The following GRIK4 variants were observed in gnomAD, a reference collection of about 807,000 sequenced individuals.
GRIK4 encodes the protein glutamate receptor ionotropic, kainate 4.
GRIK4 carries 40 observed loss-of-function variants against 104.9 expected under a neutral mutation model. That is an observed-to-expected ratio of 0.38 (90% confidence interval 0.30 to 0.50). The LOEUF (loss-of-function observed/expected upper bound fraction) is 0.50, where lower values mean the gene tolerates loss of function less well. Ranked by LOEUF, GRIK4 falls within the 20% of genes least tolerant of loss-of-function variation. The pLI is 0.93. For missense variants in GRIK4, 1,047 were observed against 1,308.1 expected, an observed-to-expected ratio of 0.80 and a Z score of 3.08; for synonymous variants, 485 against 524.9, an observed-to-expected ratio of 0.92 and a Z score of 1.04.
chr11:120,931,650 A>C (rs986400309), intron 13 of GRIK4, among the ~76,000 whole-genome samples: 1 of 152,224 alleles, frequency 6.6e-6, no homozygotes, highest in African/African-American at 2.4e-5. Context: ...CTGTTAAATA[A>C]GGATAATAAT....
chr11:120,980,958 G>A (rs907922031), intron 19 of GRIK4, among the ~76,000 whole-genome samples: 2 of 152,180 alleles, frequency 1.3e-5, no homozygotes, highest in African/African-American at 4.8e-5. Context: ...AGAAGGTAGC[G>A]TCGATTTCTG....
chr11:120,620,085 A>G (rs1949166546), intron 1 of GRIK4: 3 of 719,644 alleles, frequency 4.2e-6, no homozygotes, highest in African/African-American at 1.7e-5. Context: ...CCTCTCTAAA[A>G]CTGGCCTCAT....
chr11:120,935,578 A>G (rs1943578782), intron 13 of GRIK4, among the ~76,000 whole-genome samples: 1 of 152,196 alleles, frequency 6.6e-6, no homozygotes, highest in Non-Finnish European at 1.5e-5. Flanking sequence ...TAAATAAGTA[A>G]ATATTGTATT....
At chr11:120,725,026 AT>A (rs1369778878) in intron 3 of GRIK4, among the ~76,000 whole-genome samples, 3 of 152,148 alleles carry the variant, frequency 2.0e-5, no homozygotes, top group African/African-American at 7.2e-5. Flanking sequence ...ATACTATTCT[AT>A]TGCAAATTTT....
At chr11:120,862,721 G>A (rs1954294828) in intron 9 of GRIK4, among the ~76,000 whole-genome samples, 1 of 152,112 alleles carries the variant, frequency 6.6e-6, no homozygotes, top group Non-Finnish European at 1.5e-5. Context: ...TGTGACGGGA[G>A]CAAACCTTTC....
At chr11:120,918,447 T>C (rs770401047) in intron 13 of GRIK4, among the ~76,000 whole-genome samples, 5 of 152,226 alleles carry the variant, frequency 3.3e-5, no homozygotes, top group Admixed American at 6.5e-5. Flanking sequence ...TTTACTTTCA[T>C]AGAGTTCACA....
intron 1 of GRIK4, among the ~76,000 whole-genome samples, chr11:120,538,952 C>T (rs895198845): frequency 1.3e-5 from 2 of 152,226 alleles, no homozygotes; most frequent in Non-Finnish European, 2.9e-5. Context: ...TCTCTTCACT[C>T]TCCAGGTTGG....
intron 1 of GRIK4, among the ~76,000 whole-genome samples, chr11:120,622,899 C>T (rs1335378399): frequency 6.6e-6 from 1 of 152,204 alleles, no homozygotes; most frequent in African/African-American, 2.4e-5. Flanking sequence ...CCCCTGATAA[C>T]CCAGTGTGCT....
Position 120,692,414 on chromosome 11 carries a change from C to T in GRIK4, c.82+32014C>T, listed in dbSNP as rs186304414. 3.7e-3 allele frequency among the ~76,000 whole-genome samples: 567 copies of T among 152,286 alleles called. 15 individuals are homozygous for T. The highest frequency in any genetic ancestry group is 9.0e-4 in the Non-Finnish European group (61 of 68,012). On this transcript the variant is annotated intron_variant, in intron 3 of 20. Coordinates refer to ENST00000527524, the MANE Select transcript of GRIK4 (RefSeq NM_014619.5). ...AGACATGGAGCTTGTGTTCAAGGAGCGAGCAGGCTAGTGGGGGAGGTGGTG... is the reference window on the plus strand; with the variant it reads ...AGACATGGAGCTTGTGTTCAAGGAGTGAGCAGGCTAGTGGGGGAGGTGGTG...
intron 1 of GRIK4, among the ~76,000 whole-genome samples, chr11:120,514,279 C>G (rs1469962540): frequency 6.6e-6 from 1 of 152,154 alleles, no homozygotes; most frequent in Admixed American, 6.5e-5. Context: ...ATTCCAGATG[C>G]CTCTCAGAAC....
At chr11:120,708,139 A>G (rs1010814377) in intron 3 of GRIK4, among the ~76,000 whole-genome samples, 1 of 152,190 alleles carries the variant, frequency 6.6e-6, no homozygotes, top group Non-Finnish European at 1.5e-5. Flanking sequence ...CATATGAGCC[A>G]TGGAGAAGGA....
Position 120,885,628 on chromosome 11 carries a change from G to T in GRIK4, c.1164+10385G>T, listed in dbSNP as rs182720569. ...TCGAACTCCTGACCTCAGGTCACCT[G>T]CCCGCCTCGGCCTCCCAAAGTGCTG... is the stretch of plus-strand genomic sequence containing the variant. On this transcript the variant is annotated intron_variant, in intron 11 of 20. Coordinates refer to ENST00000527524, the MANE Select transcript of GRIK4 (RefSeq NM_014619.5). 1.2e-3 allele frequency among the ~76,000 whole-genome samples: 177 copies of T among 152,210 alleles called. 1 individual carries two copies. The East Asian group carries it at 0.021, about 18-fold the overall frequency.
At chr11:120,651,412 A>G (rs1309026817) in intron 1 of GRIK4, among the ~76,000 whole-genome samples, 1 of 152,190 alleles carries the variant, frequency 6.6e-6, no homozygotes, top group Non-Finnish European at 1.5e-5. Flanking sequence ...GGGAGGGGCC[A>G]TTGTTTAGAG....
intron 16 of GRIK4, among the ~76,000 whole-genome samples, chr11:120,957,389 C>T (rs1944179711): frequency 6.6e-6 from 1 of 152,232 alleles, no homozygotes; most frequent in Admixed American, 6.5e-5. Context: ...CCTTCTGAGG[C>T]TTTGTGTCTC....
chr11:120,637,858 C>T (rs1949418356), intron 1 of GRIK4, among the ~76,000 whole-genome samples: 1 of 151,938 alleles, frequency 6.6e-6, no homozygotes, highest in African/African-American at 2.4e-5. Flanking sequence ...GGCATCTAAG[C>T]CCTCAGCTTA....
chr11:120,650,455 GTGT>G (rs1466882298), intron 1 of GRIK4, among the ~76,000 whole-genome samples: 1 of 152,214 alleles, frequency 6.6e-6, no homozygotes, highest in Non-Finnish European at 1.5e-5. Context: ...CCCTCCTCAT[GTGT>G]TGTTTTCTCC....
chr11:120,579,756 G>A (rs1255119112), intron 1 of GRIK4, among the ~76,000 whole-genome samples: 1 of 151,998 alleles, frequency 6.6e-6, no homozygotes, highest in Admixed American at 6.6e-5. Flanking sequence ...TTTTTATTAA[G>A]GTATGTTTTA....
chr11:120,645,124 G>A, intron 1 of GRIK4, among the ~76,000 whole-genome samples: 1 of 93,940 alleles, frequency 1.1e-5, no homozygotes, highest in South Asian at 3.3e-4. Context: ...TGCATATATG[G>A]TGTGTAGTGT....
At chr11:120,710,997 T>TGGGGGGGGGGG (rs139734821) in intron 3 of GRIK4, among the ~76,000 whole-genome samples, 12 of 124,848 alleles carry the variant, frequency 9.6e-5, no homozygotes, top group East Asian at 2.5e-4. Context: ...CCCTGTGAGG[T>TGGGGGGGGGGG]GGGGAGGGGG....
Sources: allele counts gnomAD v4.1 joint callset (sites outside exome capture counted in the v4.1 genomes callset), GRCh38; gene constraint gnomAD v4.1.1; transcripts MANE v1.5; gene names NCBI Gene and HGNC (gene_info 2026-07-23, HGNC 2026-07-21).